Variants in SHQ1 observed in about 807,000 individuals in gnomAD.
SHQ1 encodes the protein SHQ1, H/ACA ribonucleoprotein assembly factor.
A neutral mutation model predicts 53.8 loss-of-function variants in SHQ1; 49 were observed. The ratio of observed to expected loss-of-function variants is 0.91; its 90% confidence interval spans 0.72 to 1.16. The LOEUF (loss-of-function observed/expected upper bound fraction) is 1.16, where lower values mean the gene tolerates loss of function less well. Among genes scored for constraint, SHQ1 ranks in the 50% most tolerant of loss-of-function variants. The pLI is 0.00. For synonymous variants in SHQ1, 243 were observed against 251.0 expected, an observed-to-expected ratio of 0.97 and a Z score of 0.30; for missense variants, 738 against 683.1, an observed-to-expected ratio of 1.08 and a Z score of -0.90.
intron 3 of SHQ1, 113 bp from the exon 4 acceptor site, chr3:72,841,312 T>C: frequency 1.3e-6 from 1 of 767,720 alleles, no homozygotes; most frequent in Non-Finnish European, 2.0e-6. Context: ...ATATACCAAA[T>C]GTACTAAAAG....
At chr3:72,782,220 A>G (rs2106760306) in intron 10 of SHQ1, among the ~76,000 whole-genome samples, 1 of 152,336 alleles carries the variant, frequency 6.6e-6, no homozygotes, top group South Asian at 2.1e-4. Flanking sequence ...CTAAATGAAA[A>G]CATCTAAAAT....
chr3:72,765,564 T>A (rs1437355089), intron 10 of SHQ1, among the ~76,000 whole-genome samples: 62 of 136,384 alleles, frequency 4.5e-4, no homozygotes, highest in African/African-American at 1.7e-3. Context: ...TATATTTTTT[T>A]TTTTTTTTTG....
At chr3:72,822,863 C>T (rs1309804971) in intron 6 of SHQ1, among the ~76,000 whole-genome samples, 1 of 152,118 alleles carries the variant, frequency 6.6e-6, no homozygotes, top group Non-Finnish European at 1.5e-5. Flanking sequence ...CAAAGAGTCA[C>T]TATAGGCCGG....
chr3:72,788,381 T>C (rs533455236), intron 10 of SHQ1, among the ~76,000 whole-genome samples: 4 of 149,144 alleles, frequency 2.7e-5, no homozygotes, highest in Middle Eastern at 3.5e-3. Flanking sequence ...ATCTGGGAGG[T>C]GAGGAGCATC....
chr3:72,730,754 C>T, the SHQ1 span, among the ~76,000 whole-genome samples: 3 of 152,192 alleles, frequency 2.0e-5, no homozygotes, highest in African/African-American at 7.2e-5. Context: ...CACCTTCATC[C>T]AGCCTCTTGT....
At chr3:72,733,616 A>C in the SHQ1 span, among the ~76,000 whole-genome samples, 3 of 151,432 alleles carry the variant, frequency 2.0e-5, no homozygotes, top group African/African-American at 7.3e-5. Flanking sequence ...GAATCCTTGA[A>C]AGAAAGGATT....
At chr3:72,792,813 A>AAAAAAAAAT in intron 10 of SHQ1, 103 bp downstream of exon 10, 1 of 727,450 alleles carries the variant, frequency 1.4e-6, no homozygotes. Flanking sequence ...AAAAAAAAAC[A>AAAAAAAAAT]CAACTTACTC....
intron 4 of SHQ1, among the ~76,000 whole-genome samples, chr3:72,837,534 G>C (rs1011590470): frequency 6.6e-6 from 1 of 152,048 alleles, no homozygotes; most frequent in African/African-American, 2.4e-5. Flanking sequence ...ATCTACAGGG[G>C]GAGGAAAAAG....
At chr3:72,734,466 G>C in the SHQ1 span, among the ~76,000 whole-genome samples, 1 of 151,042 alleles carries the variant, frequency 6.6e-6, no homozygotes, top group Non-Finnish European at 1.5e-5. Flanking sequence ...ATGTTGGCCA[G>C]GCTGGTCTCT....
rs771206476 is a variant in SHQ1, at chr3:72,792,623, T to C, written c.1181+293A>G. On this transcript the variant is annotated intron_variant, in intron 10 of 10. Transcript: ENST00000325599. ...CAATGTGGTGAAACCCCGTCTCTAC[T>C]AAAAATAAAAAATTAGCTAGGCGTG... Among the ~76,000 whole-genome samples the C allele has an allele frequency of 4.0e-5, 6 of 151,792 alleles. No homozygotes were observed. The East Asian group carries it at 1.2e-3, about 29-fold the overall frequency.
intron 1 of SHQ1, among the ~76,000 whole-genome samples, chr3:72,847,348 G>A (rs906120440): frequency 1.3e-5 from 2 of 152,160 alleles, no homozygotes; most frequent in Non-Finnish European, 2.9e-5. Context: ...AGATTAGGAG[G>A]ATGGATAAAG....
In SHQ1 at chr3:72,750,239, C is replaced by T; in HGVS notation, c.*45G>A. 1 of 1,416,878 alleles carries T rather than the reference C, an allele frequency of 7.1e-7. No individual in the cohort carries two copies. The highest frequency in any genetic ancestry group is 1.3e-5 in the South Asian group (1 of 75,718). The allele number at this position is 1,416,878 out of a possible 1,614,324, so 87.8% of individuals were successfully genotyped here. A position where few individuals can be genotyped will look rare whatever the true frequency, so the allele number is the denominator to read the frequency against. On this transcript the variant is annotated 3_prime_UTR_variant, in exon 11 of 11. Coordinates refer to ENST00000325599, the MANE Select transcript of SHQ1 (RefSeq NM_018130.3). Reference sequence around the variant, plus strand: ...AAGAATTCTCATTCGGTAAATGAAACCCAATCTACCATATTTCTCAACAAT... The same window carrying T: ...AAGAATTCTCATTCGGTAAATGAAATCCAATCTACCATATTTCTCAACAAT...
At chr3:72,741,962 C>T in the SHQ1 span, among the ~76,000 whole-genome samples, 2 of 151,960 alleles carry the variant, frequency 1.3e-5, no homozygotes, top group Admixed American at 6.6e-5. Context: ...AACTATTATG[C>T]CATTTTATAT....
At chr3:72,729,100 G>A in the SHQ1 span, among the ~76,000 whole-genome samples, 5 of 152,212 alleles carry the variant, frequency 3.3e-5, no homozygotes, top group African/African-American at 9.7e-5. Context: ...AAACTGATGC[G>A]TGAATGAACA....
the SHQ1 span, among the ~76,000 whole-genome samples, chr3:72,742,604 TTTTTTTCTTTTTTTC>T: frequency 1.5e-5 from 2 of 134,142 alleles, no homozygotes; most frequent in Admixed American, 7.1e-5. Flanking sequence ...AGTTGTTCTT[TTTTTTTCTTTTTTTC>T]TTTTTTTTTT....
At chr3:72,772,517 G>A (rs2106741208) in intron 10 of SHQ1, 6 of 614,556 alleles carry the variant, frequency 9.8e-6, no homozygotes, top group East Asian at 6.8e-5. Context: ...ACAGTGATAT[G>A]ACAAGTCGTA....
chr3:72,816,328 G>A (rs1242173434), intron 7 of SHQ1, among the ~76,000 whole-genome samples: 4 of 151,984 alleles, frequency 2.6e-5, no homozygotes, highest in East Asian at 3.9e-4. Context: ...ATGTAACAGC[G>A]GTTATATTTC....
At chr3:72,763,623 C>G (rs1705658085) in intron 10 of SHQ1, among the ~76,000 whole-genome samples, 1 of 152,184 alleles carries the variant, frequency 6.6e-6, no homozygotes, top group African/African-American at 2.4e-5. Context: ...CCTCAGTCCA[C>G]CAACTGGTGT....
the SHQ1 span, among the ~76,000 whole-genome samples, chr3:72,726,390 G>A: frequency 6.6e-6 from 1 of 151,790 alleles, no homozygotes; most frequent in African/African-American, 2.4e-5. Context: ...CAGCTCTGTC[G>A]CCCAGGTTGA....
Sources: gnomAD v4.1 joint callset for allele counts (sites outside exome capture counted in the v4.1 genomes callset) on GRCh38, gnomAD v4.1.1 for gene constraint, MANE v1.5 for transcripts, NCBI Gene and HGNC (gene_info 2026-07-23, HGNC 2026-07-21) for gene names.